The following STK32B variants were observed in gnomAD, a reference collection of about 807,000 sequenced individuals.
The protein encoded by STK32B is serine/threonine-protein kinase 32B.
In STK32B, 43 loss-of-function variants were observed where a neutral mutation model predicts 52.6. That is an observed-to-expected ratio of 0.82 (90% CI 0.64 to 1.05). The LOEUF is 1.05. Ranked by LOEUF, STK32B falls within the 50% of genes least tolerant of loss-of-function variation. STK32B has a pLI of 0.00. For missense variants in STK32B, 621 were observed against 534.6 expected, an observed-to-expected ratio of 1.16 and a Z score of -1.59; for synonymous variants, 238 against 204.3, an observed-to-expected ratio of 1.17 and a Z score of -1.41.
At chr4:5,200,773 T>C (rs995348460) in intron 3 of STK32B, among the ~76,000 whole-genome samples, 2 of 152,118 alleles carry the variant, frequency 1.3e-5, no homozygotes, top group Admixed American at 1.3e-4. Flanking sequence ...CCCAAACAGA[T>C]TTCACCAAGC....
intron 2 of STK32B, among the ~76,000 whole-genome samples, chr4:5,144,505 A>G (rs1253980219): frequency 1.3e-5 from 2 of 152,164 alleles, no homozygotes; most frequent in African/African-American, 4.8e-5. Flanking sequence ...GGACACAAAT[A>G]TGGTACTGGG....
intron 3 of STK32B, among the ~76,000 whole-genome samples, chr4:5,314,781 A>C (rs184863773): frequency 6.6e-6 from 1 of 152,212 alleles, no homozygotes; most frequent in Admixed American, 6.5e-5. Flanking sequence ...CATAGCCAAC[A>C]AAGTAGCAAA....
At chr4:5,072,523 T>C in intron 1 of STK32B, among the ~76,000 whole-genome samples, 1 of 152,134 alleles carries the variant, frequency 6.6e-6, no homozygotes, top group East Asian at 1.9e-4. Context: ...ACCTCATCAT[T>C]TCAACACCAA....
intron 1 of STK32B, among the ~76,000 whole-genome samples, chr4:5,136,480 C>T (rs1158207574): frequency 6.6e-6 from 1 of 152,200 alleles, no homozygotes; most frequent in Non-Finnish European, 1.5e-5. Flanking sequence ...TTGTGGCTTC[C>T]TCAGATGGAA....
intron 3 of STK32B, among the ~76,000 whole-genome samples, chr4:5,250,469 C>T (rs556050688): frequency 1.1e-4 from 16 of 152,062 alleles, no homozygotes; most frequent in Non-Finnish European, 1.5e-4. Flanking sequence ...TGTATCACTA[C>T]GCTTGGCTAA....
chr4:5,405,628 A>G (rs572775945), intron 5 of STK32B, among the ~76,000 whole-genome samples: 18 of 152,278 alleles, frequency 1.2e-4, no homozygotes, highest in African/African-American at 4.1e-4. Context: ...GAAAGTTATA[A>G]TCATGGCAGA....
Position 5,180,665 on chromosome 4 carries a change from C to T in STK32B, c.260+12215C>T, listed in dbSNP as rs976156731. The stretch of plus-strand genomic sequence containing the variant: ...CCTGTTGGGGTCATAAGGACACCAC[C>T]GCTTTATATTAATGATACATCAGCT... On this transcript the variant is annotated intron_variant, in intron 3 of 11. Transcript: ENST00000282908. Among the ~76,000 whole-genome samples, 8 of 152,274 alleles carry T rather than the reference C, an allele frequency of 5.3e-5. No homozygotes were observed. The East Asian group carries it at 9.6e-4, about 18-fold the overall frequency.
chr4:5,310,959 T>C (rs1334145626), intron 3 of STK32B, among the ~76,000 whole-genome samples: 1 of 152,174 alleles, frequency 6.6e-6, no homozygotes, highest in African/African-American at 2.4e-5. Flanking sequence ...TGTCACATAT[T>C]CTCACTCATG....
intron 3 of STK32B, among the ~76,000 whole-genome samples, chr4:5,239,687 CAG>C (rs1424815517): frequency 6.6e-6 from 1 of 152,072 alleles, no homozygotes; most frequent in African/African-American, 2.4e-5. Context: ...GAAAGAGACT[CAG>C]AGGCAAGTTT....
chr4:5,367,481 C>T (rs907847010), intron 4 of STK32B, among the ~76,000 whole-genome samples: 1 of 151,198 alleles, frequency 6.6e-6, no homozygotes, highest in Admixed American at 6.6e-5. Context: ...TTAGTGGAGG[C>T]TGGGGGGTCG....
chr4:5,457,243 T>C (rs1716624384), intron 8 of STK32B, among the ~76,000 whole-genome samples: 1 of 138,132 alleles, frequency 7.2e-6, no homozygotes. Context: ...ATATACGGAG[T>C]CTCACTCTGT....
At chr4:5,115,725 A>T (rs1714679376) in intron 1 of STK32B, among the ~76,000 whole-genome samples, 1 of 152,156 alleles carries the variant, frequency 6.6e-6, no homozygotes, top group Non-Finnish European at 1.5e-5. Context: ...CTGGTGGTGG[A>T]AACTTGGCAA....
chr4:5,459,159 G>C (rs1178059272), intron 8 of STK32B, among the ~76,000 whole-genome samples: 2 of 152,208 alleles, frequency 1.3e-5, no homozygotes, highest in Non-Finnish European at 2.9e-5. Context: ...ACCCCTGCTA[G>C]CTATCCCTGT....
intron 6 of STK32B, among the ~76,000 whole-genome samples, chr4:5,444,409 C>G (rs561998001): frequency 6.6e-6 from 1 of 152,248 alleles, no homozygotes. Context: ...AAAGGGAACT[C>G]CCTGACCCCT....
chr4:5,150,613 A>G (rs147129527), intron 2 of STK32B, among the ~76,000 whole-genome samples: 75 of 151,406 alleles, frequency 5.0e-4, no homozygotes, highest in Admixed American at 8.5e-4. Context: ...AGCTTGTTCT[A>G]TGTCTGTGAT....
At position 5,105,819 on chromosome 4, in the gene STK32B, A is replaced by T. The variant is rs569767865; in HGVS notation, c.53-34086A>T. 1.6e-3 allele frequency among the ~76,000 whole-genome samples: 249 copies of T among 151,126 alleles called. 1 individual carries two copies. Among genetic ancestry groups the T allele is most frequent in the African/African-American group, 4.8e-3 (199 of 41,296 alleles). ...ACCTAGTGATCCACCCGCCTCGGCC[A>T]CCCAAAGTGCTGGGATTACAGGTGT... On this transcript the variant is annotated intron_variant, in intron 1 of 11. Transcript: ENST00000282908.
intron 6 of STK32B, among the ~76,000 whole-genome samples, chr4:5,445,002 A>C (rs958648186): frequency 8.5e-5 from 13 of 152,150 alleles, no homozygotes; most frequent in African/African-American, 2.2e-4. Context: ...CGAAATGTTG[A>C]GACGAACCTT....
At chr4:5,298,431 T>C (rs946829476) in intron 3 of STK32B, among the ~76,000 whole-genome samples, 5 of 152,148 alleles carry the variant, frequency 3.3e-5, no homozygotes, top group African/African-American at 1.2e-4. Context: ...ATGGAGGTTT[T>C]ATCTATAGGC....
intron 1 of STK32B, among the ~76,000 whole-genome samples, chr4:5,119,604 C>A (rs1364589836): frequency 6.6e-6 from 1 of 152,254 alleles, no homozygotes; most frequent in Non-Finnish European, 1.5e-5. Flanking sequence ...AAGAATCTGA[C>A]AAAACCTGAG....
Sources: allele counts gnomAD v4.1 joint callset (sites outside exome capture counted in the v4.1 genomes callset), GRCh38; gene constraint gnomAD v4.1.1; transcripts MANE v1.5; gene names NCBI Gene and HGNC (gene_info 2026-07-23, HGNC 2026-07-21).